Variants in PANK1 observed in about 807,000 individuals in gnomAD.
PANK1 encodes pantothenate kinase 1.
In PANK1, 18 loss-of-function variants were observed where a neutral mutation model predicts 40.1. The observed-to-expected ratio is 0.45, with a 90% CI of 0.31 to 0.67. The LOEUF is 0.67. Among genes scored for constraint, PANK1 ranks in the 30% least tolerant of loss-of-function variants. The pLI is 0.06. For missense variants in PANK1, 457 were observed against 599.6 expected, an observed-to-expected ratio of 0.76 and a Z score of 2.48; for synonymous variants, 242 against 237.7, an observed-to-expected ratio of 1.02 and a Z score of -0.17.
intron 3 of PANK1, 75 bp downstream of exon 3, chr10:89,599,177 T>C (rs1216179782): frequency 5.9e-6 from 8 of 1,365,014 alleles, no homozygotes; most frequent in Non-Finnish European, 8.1e-6. Flanking sequence ...ATGTATTCAA[T>C]ATAAATAACC....
intron 1 of PANK1, among the ~76,000 whole-genome samples, chr10:89,629,593 T>C (rs572947019): frequency 6.6e-6 from 1 of 152,170 alleles, no homozygotes; most frequent in African/African-American, 2.4e-5. Context: ...TGACGTCTTA[T>C]TTGCACTGTC....
At chr10:89,594,265 C>A (rs911509663) in intron 3 of PANK1, among the ~76,000 whole-genome samples, 4 of 152,158 alleles carry the variant, frequency 2.6e-5, no homozygotes, top group African/African-American at 9.7e-5. Context: ...CTTCAACTAG[C>A]CACTAACCTG....
intron 1 of PANK1, among the ~76,000 whole-genome samples, chr10:89,636,542 C>T (rs1589819598): frequency 6.6e-6 from 1 of 152,032 alleles, no homozygotes; most frequent in Admixed American, 6.5e-5. Context: ...ACCTCCACCT[C>T]GTGGGTTCAA....
chr10:89,603,269 G>A (rs928596003), intron 2 of PANK1, among the ~76,000 whole-genome samples: 2 of 152,138 alleles, frequency 1.3e-5, no homozygotes, highest in Non-Finnish European at 2.9e-5. Context: ...ACATAATTGG[G>A]AAGAGATGCA....
intron 1 of PANK1, among the ~76,000 whole-genome samples, chr10:89,634,364 C>T (rs994531503): frequency 2.6e-5 from 4 of 152,144 alleles, no homozygotes; most frequent in African/African-American, 9.7e-5. Flanking sequence ...CATACAGGTC[C>T]AGTCTGTCCT....
intron 2 of PANK1, among the ~76,000 whole-genome samples, chr10:89,600,649 A>C (rs1024598231): frequency 1.4e-4 from 22 of 152,202 alleles, no homozygotes; most frequent in African/African-American, 5.3e-4. Flanking sequence ...GTACAGGGGC[A>C]AAAAGGTAAA....
intron 1 of PANK1, among the ~76,000 whole-genome samples, chr10:89,624,262 G>A (rs182888114): frequency 1.4e-4 from 22 of 152,066 alleles, no homozygotes; most frequent in Admixed American, 7.9e-4. Context: ...CAGTGGCTAG[G>A]ACCTGCCATA....
chr10:89,632,911 C>G (rs1841693786), intron 1 of PANK1, among the ~76,000 whole-genome samples: 2 of 152,188 alleles, frequency 1.3e-5, no homozygotes, highest in South Asian at 4.1e-4. Flanking sequence ...TCAAACTTCT[C>G]ATCTTCAGAC....
chr10:89,613,874 G>A (rs56160723), intron 1 of PANK1: 73,548 of 423,606 alleles, frequency 0.17, 7,449 homozygotes, highest in East Asian at 0.45. Context: ...ACTGGGATTC[G>A]GAACATCTGC....
At chr10:89,607,211 A>G (rs1435520155) in intron 2 of PANK1, among the ~76,000 whole-genome samples, 1 of 152,210 alleles carries the variant, frequency 6.6e-6, no homozygotes, top group Non-Finnish European at 1.5e-5. Context: ...TTAGAGGCCA[A>G]TTAGACCAAC....
chr10:89,611,661 G>A (rs753744429), intron 2 of PANK1, 35 bp downstream of exon 2: 1 of 1,463,086 alleles, frequency 6.8e-7, no homozygotes, highest in African/African-American at 1.4e-5. Flanking sequence ...CATGTGAGAG[G>A]TTTTGATGTT....
chr10:89,627,361 T>A (rs1199511430), intron 1 of PANK1, among the ~76,000 whole-genome samples: 1 of 152,086 alleles, frequency 6.6e-6, no homozygotes, highest in Non-Finnish European at 1.5e-5. Context: ...CATCTAGAGA[T>A]GATTTAAAGT....
chr10:89,633,159 G>A (rs1841701706), intron 1 of PANK1, among the ~76,000 whole-genome samples: 1 of 151,858 alleles, frequency 6.6e-6, no homozygotes, highest in Non-Finnish European at 1.5e-5. Context: ...ATCCATGATG[G>A]CCAGTTTCAA....
intron 2 of PANK1, among the ~76,000 whole-genome samples, chr10:89,608,009 G>C (rs1049564626): frequency 6.0e-5 from 9 of 150,834 alleles, no homozygotes; most frequent in East Asian, 2.0e-4. Context: ...TCAAAAATTT[G>C]GTTATGACAA....
In PANK1 at chr10:89,611,902, C is replaced by T. The variant is rs767011719; in HGVS notation, c.439G>A (p.Gly147Arg). ...RKYLTSNTAY[G>R]KTGIRDVHLE... ...TGGACGTCTCGGATCCCAGTTTTCCCATAAGCAGTATTAGAAGTCAAATAC... is the reference window on the plus strand; with the variant it reads ...TGGACGTCTCGGATCCCAGTTTTCCTATAAGCAGTATTAGAAGTCAAATAC... Residue 147 changes from glycine to arginine, a missense_variant, in exon 2 of 7, where the codon GGG (glycine) becomes AGG (arginine). Around this residue, in one of 4 missense-constraint regions of PANK1, gnomAD observed 286 missense variants for 415.8 expected, o/e 0.69. Coordinates refer to ENST00000307534, the MANE Select transcript of PANK1 (RefSeq NM_148977.3). 6.2e-7 allele frequency: 1 copy of T among 1,614,210 alleles called. No individual in the cohort carries two copies. Among genetic ancestry groups the T allele is most frequent in the Non-Finnish European group, 8.5e-7 (1 of 1,180,040 alleles).
chr10:89,641,020 G>A (rs1413590745), intron 1 of PANK1, among the ~76,000 whole-genome samples: 4 of 152,176 alleles, frequency 2.6e-5, no homozygotes, highest in African/African-American at 9.7e-5. Context: ...CAATTCAAAT[G>A]TGTATTGTAC....
chr10:89,636,399 C>T (rs754546891), intron 1 of PANK1, among the ~76,000 whole-genome samples: 2 of 151,790 alleles, frequency 1.3e-5, no homozygotes, highest in East Asian at 1.9e-4. Context: ...TGCAGTGGCG[C>T]GATCTCAGCT....
intron 1 of PANK1, among the ~76,000 whole-genome samples, chr10:89,612,393 G>GAT (rs935502556): frequency 6.6e-6 from 1 of 152,094 alleles, no homozygotes; most frequent in Non-Finnish European, 1.5e-5. Context: ...TTTAAAGATA[G>GAT]ATATATATAT....
At chr10:89,644,496 GGGCGCACGGGGCGTGCTGC>G (rs1842055462) in intron 1 of PANK1, 85 bp downstream of exon 1, 1 of 1,006,232 alleles carries the variant, frequency 9.9e-7, no homozygotes, top group Non-Finnish European at 1.4e-6. Flanking sequence ...GCAGACGCGG[GGGCGCACGGGGCGTGCTGC>G]GGCGCCTGCC....
Sources: allele counts gnomAD v4.1 joint callset (sites outside exome capture counted in the v4.1 genomes callset), GRCh38; gene constraint gnomAD v4.1.1; regional missense constraint gnomAD v4.1.1; transcripts MANE v1.5; gene names NCBI Gene and HGNC (gene_info 2026-07-23, HGNC 2026-07-21).